Variants in CDC42BPG observed in about 807,000 individuals in gnomAD.
CDC42BPG encodes the protein serine/threonine-protein kinase MRCK gamma.
In CDC42BPG, 157 loss-of-function variants were observed where a neutral mutation model predicts 192.2. The ratio of observed to expected loss-of-function variants is 0.82; its 90% confidence interval spans 0.72 to 0.93. The LOEUF (loss-of-function observed/expected upper bound fraction) is 0.93, where lower values mean the gene tolerates loss of function less well. Among genes scored for constraint, CDC42BPG ranks in the 40% least tolerant of loss-of-function variants. The pLI, the probability that CDC42BPG is intolerant of heterozygous loss-of-function variation, is 0.00. For synonymous variants in CDC42BPG, 981 were observed against 918.5 expected (o/e 1.07, Z -1.23); for missense variants, 1,992 against 2,122.1 (o/e 0.94, Z 1.20).
intron 34 of CDC42BPG, 22 bp from the exon 35 acceptor site, chr11:64,826,816 G>C: frequency 6.8e-7 from 1 of 1,479,722 alleles, no homozygotes; most frequent in Non-Finnish European, 8.9e-7. Context: ...CAGTGCGGAG[G>C]GGCTGGGACT....
Position 64,837,326 on chromosome 11 carries a change from C to T in CDC42BPG, c.1206-307G>A, listed in dbSNP as rs369967323. Among the ~76,000 whole-genome samples, 16 of 152,286 alleles carry T rather than the reference C, an allele frequency of 1.1e-4. No individual in the cohort carries two copies. The South Asian group carries it at 1.5e-3, about 14-fold the overall frequency. ...TGACAAGGCCTCTCCCCAGGGCTGT[C>T]GAGGACAGGATGTGGTGACAGTGGC... On this transcript the variant is annotated intron_variant, in intron 9 of 36. Transcript: ENST00000342711.
In CDC42BPG at chr11:64,827,051, G is replaced by T. The variant is rs775608141; in HGVS notation, c.4388C>A (p.Pro1463Gln). The change falls in exon 34 of 37, where the codon CCG (proline) becomes CAG (glutamine). Residue 1463 changes from proline (P) to glutamine (Q), a missense_variant and splice_region_variant. Pro to Gln is a moderately conservative substitution (Grantham distance 76). Transcript: ENST00000342711. Reference sequence around the variant, plus strand: ...TGTGATTGGCTCCAGAGGACTAACCGGGGACTTGTCCCTGGCGCCGGGCCG... The same window carrying T: ...TGTGATTGGCTCCAGAGGACTAACCTGGGACTTGTCCCTGGCGCCGGGCCG... ...NGRPGARDKS[P>Q]APEEKGRVAR... 1.3e-6 allele frequency: 2 copies of T among 1,596,624 alleles called. No individual in the cohort carries two copies. Among genetic ancestry groups the T allele is most frequent in the Non-Finnish European group, 1.7e-6 (2 of 1,165,438 alleles).
In CDC42BPG at chr11:64,824,112, C is replaced by T. The variant is rs1288199130; in HGVS notation, c.*361G>A. The T allele has an allele frequency of 2.9e-6, 1 of 339,848 alleles. No individual in the cohort carries two copies. The highest frequency in any genetic ancestry group is 4.4e-5 in the Admixed American group (1 of 22,784). The allele number at this position is 339,848 out of a possible 1,614,324, so 21.1% of individuals were successfully genotyped here. On this transcript the variant is annotated 3_prime_UTR_variant, in exon 37 of 37. Transcript: ENST00000342711. ...CCACAGATAAGACCTCCAACCTGTT[C>T]CCAGAGACCCAGTCCCTCTCCATCC...
In CDC42BPG at chr11:64,830,225, C is replaced by A; in HGVS notation, c.3336G>T (p.Glu1112Asp). 6.2e-7 allele frequency: 1 copy of A among 1,612,888 alleles called. No homozygotes were observed. Residue 1112 changes from glutamate to aspartate, a missense_variant, in exon 29 of 37, where the codon GAG becomes GAT. By Grantham distance (45) the Glu-to-Asp change is conservative. This residue lies in a region of CDC42BPG where 1,656 missense variants were observed against 1,844.3 expected (regional missense o/e 0.90). Transcript: ENST00000342711. ...DQDRLALGTE[E>D]GLFVIHLRSN... ...TGCGCAGATGGATGACAAAGAGCCCCTCCTCGGTGCCAAGCGCAAGTCGAT... is the reference window on the plus strand; with the variant it reads ...TGCGCAGATGGATGACAAAGAGCCCATCCTCGGTGCCAAGCGCAAGTCGAT...
In CDC42BPG at chr11:64,834,974, AG is replaced by A. The variant is rs1342279769; in HGVS notation, c.2061-12del. On this transcript the variant is annotated splice_polypyrimidine_tract_variant and intron_variant, in intron 17 of 36. Transcript: ENST00000342711. ...TTCTCATCATTCACCCTGAATGGGA[AG>A]GGGCTCAGGGTCATGGGCTGGGCCC... 6.2e-7 allele frequency: 1 copy of A among 1,613,740 alleles called. No homozygotes were observed. The highest frequency in any genetic ancestry group is 8.5e-7 in the Non-Finnish European group (1 of 1,179,894).
Position 64,836,245 on chromosome 11 carries a change from TGC to T in CDC42BPG, c.1538_1539del (p.Cys513Ter). The T allele has an allele frequency of 1.2e-6, 2 of 1,601,618 alleles. No homozygotes were observed. Among genetic ancestry groups the T allele is most frequent in the Non-Finnish European group, 1.7e-6 (2 of 1,176,264 alleles). On this transcript the variant is annotated frameshift_variant, in exon 13 of 37. Transcript: ENST00000342711. LOFTEE classifies it high-confidence loss of function. ...AGLQAQEQEL[C>X]RAQGQQEELL... ...AGCTCCTCCTGCTGCCCCTGGGCCC[TGC>T]AGAGCTCCTGCTCCTGAGCCTGCAG...
Position 64,829,657 on chromosome 11 carries a change from C to T in CDC42BPG, c.3781G>A (p.Gly1261Arg). 1 of 1,611,680 alleles carries T rather than the reference C, an allele frequency of 6.2e-7. No individual in the cohort carries two copies. The highest frequency in any genetic ancestry group is 8.5e-7 in the Non-Finnish European group (1 of 1,179,420). ...AGCTCCTCAGGCACCAAACCGGCCCCCAGCGCCAACGGCGCAGCCTCGTTG... is the reference window on the plus strand; with the variant it reads ...AGCTCCTCAGGCACCAAACCGGCCCTCAGCGCCAACGGCGCAGCCTCGTTG... ...LLNEAAPLALGAGLVPEELPP... is the reference protein window; with the variant it reads ...LLNEAAPLALRAGLVPEELPP... The change falls in exon 30 of 37, where the codon GGG (glycine) becomes AGG (arginine). Residue 1261 changes from glycine to arginine, a missense_variant. Coordinates refer to ENST00000342711, the MANE Select transcript of CDC42BPG (RefSeq NM_017525.3).
At position 64,829,984 on chromosome 11, in the gene CDC42BPG, C is replaced by A; in HGVS notation, c.3454G>T (p.Gly1152Cys). 6.2e-7 allele frequency: 1 copy of A among 1,612,820 alleles called. No individual in the cohort carries two copies. The stretch of plus-strand genomic sequence containing the variant: ...AGGGCAAAGAGACGCACGCTGGGGC[C>A]GCGGCCACACAGCACGACCAGCAGG... ...AGLLVVLCGR[G>C]PSVRLFALAE... Residue 1152 changes from glycine (G) to cysteine (C), a missense_variant, in exon 30 of 37, where the codon GGC becomes TGC. Around this residue, in one of 2 missense-constraint regions of CDC42BPG, gnomAD observed 1,656 missense variants for 1,844.3 expected, o/e 0.90. Coordinates refer to ENST00000342711, the MANE Select transcript of CDC42BPG (RefSeq NM_017525.3).
At chr11:64,843,514 C>T (rs1943372184) in intron 1 of CDC42BPG, among the ~76,000 whole-genome samples, 1 of 152,134 alleles carries the variant, frequency 6.6e-6, no homozygotes, top group East Asian at 1.9e-4. Flanking sequence ...AGGCCTTGTG[C>T]CTTCCCAGAG....
chr11:64,836,087 G>C (rs1271633881), intron 13 of CDC42BPG, 30 bp downstream of exon 13: 1 of 1,569,582 alleles, frequency 6.4e-7, no homozygotes, highest in Admixed American at 1.8e-5. Context: ...CAGGGCCCAG[G>C]TGCTGTCCCT....
chr11:64,831,007 C>T (rs1462120035), intron 28 of CDC42BPG, among the ~76,000 whole-genome samples: 3 of 152,178 alleles, frequency 2.0e-5, no homozygotes, highest in Non-Finnish European at 2.9e-5. Context: ...CACCTGAGGT[C>T]AGGAGTTCGA....
rs1942831692 is a variant in CDC42BPG, at chr11:64,833,801, C to T, written c.2502G>A (p.Glu834=). 6.2e-7 allele frequency: 1 copy of T among 1,614,144 alleles called. No homozygotes were observed. Among genetic ancestry groups the T allele is most frequent in the African/African-American group, 1.3e-5 (1 of 74,962 alleles). The part of the protein sequence containing the change: ...DSAKDPGISG[E]ATRHGGEPDL... The stretch of plus-strand genomic sequence containing the variant: ...CTGGCTCTCCTCCATGCCTTGTGGC[C>T]TCTCCTGAGATGCCAGGGTCCTTGG... The change falls in exon 22 of 37, where the codon GAG becomes GAA. Residue 834 remains glutamate (E), a synonymous_variant. Transcript: ENST00000342711.
rs772569580 is a variant in CDC42BPG, at chr11:64,829,757, A to G, written c.3681T>C (p.Thr1227=). The change falls in exon 30 of 37, where the codon ACT becomes ACC. Residue 1227 remains threonine, a synonymous_variant. Transcript: ENST00000342711. The part of the protein sequence containing the change: ...RRIRELQAPA[T]VQSLGLLGDR... ...CGCCCAGCAGCCCCAGGCTCTGCAC[A>G]GTGGCAGGTGCCTGCAGCTCACGGA... is the stretch of plus-strand genomic sequence containing the variant. 85 of 1,602,242 alleles carry G rather than the reference A, an allele frequency of 5.3e-5. No homozygotes were observed. The highest frequency in any genetic ancestry group is 7.0e-5 in the Non-Finnish European group (82 of 1,175,812).
rs1457443081 is a variant in CDC42BPG at position 64,838,798 on chromosome 11, C to T, written c.981G>A (p.Gly327=). Reference sequence around the variant, plus strand: ...AAGGATGGTTCCGGAAGTCATCCAGCCCACCACGGCCTAGCCGCTCTTCCT... The same window carrying T: ...AAGGATGGTTCCGGAAGTCATCCAGTCCACCACGGCCTAGCCGCTCTTCCT... ...CRQEERLGRG[G]LDDFRNHPFF... The change falls in exon 8 of 37, where the codon GGG becomes GGA. Residue 327 remains glycine, a synonymous_variant. Coordinates refer to ENST00000342711, the MANE Select transcript of CDC42BPG (RefSeq NM_017525.3). 2.5e-6 allele frequency: 4 copies of T among 1,612,866 alleles called. No homozygotes were observed. Among genetic ancestry groups the T allele is most frequent in the East Asian group, 2.2e-5 (1 of 44,882 alleles).
intron 36 of CDC42BPG, among the ~76,000 whole-genome samples, chr11:64,826,265 G>C (rs115546241): frequency 0.013 from 1,971 of 152,258 alleles, 40 homozygotes; most frequent in African/African-American, 0.044. Flanking sequence ...TCAGAGCCAA[G>C]ATTCCCACCT....
rs764596813 is a variant in CDC42BPG, at chr11:64,836,728, G to A, written c.1384+11C>T. On this transcript the variant is annotated intron_variant, in intron 11 of 36. Coordinates refer to ENST00000342711, the MANE Select transcript of CDC42BPG (RefSeq NM_017525.3). The stretch of plus-strand genomic sequence containing the variant: ...CCCTGGGGGGGGGGGGGGGGTGGGC[G>A]GAAGGGATACCTGGCAGCCTGTCCC... 27 of 1,290,356 alleles carry A rather than the reference G, an allele frequency of 2.1e-5. 1 individual carries two copies. Among genetic ancestry groups the A allele is most frequent in the South Asian group, 1.2e-4 (8 of 69,208 alleles). 79.9% of individuals were successfully genotyped at this position (1,290,356 alleles called of 1,614,324 possible).
chr11:64,829,523 G>A lies in CDC42BPG; in HGVS notation c.3915C>T (p.Gly1305=). Residue 1305 remains glycine (G), a synonymous_variant, in exon 30 of 37, where the codon GGC becomes GGT. Coordinates refer to ENST00000342711, the MANE Select transcript of CDC42BPG (RefSeq NM_017525.3). ...TTAGIYVDGA[G]RKSRGHELLW... Reference sequence around the variant, plus strand: ...ACAGCTCGTGGCCACGAGACTTGCGGCCTGCGCCATCCACGTAGATGCCAG... The same window carrying A: ...ACAGCTCGTGGCCACGAGACTTGCGACCTGCGCCATCCACGTAGATGCCAG... 6.2e-7 allele frequency: 1 copy of A among 1,612,948 alleles called. No homozygotes were observed. Among genetic ancestry groups the A allele is most frequent in the Non-Finnish European group, 8.5e-7 (1 of 1,179,946 alleles).
Position 64,823,188 on chromosome 11 carries a change from G to T in CDC42BPG, c.*1285C>A, listed in dbSNP as rs546181428. On this transcript the variant is annotated 3_prime_UTR_variant, in exon 37 of 37. Transcript: ENST00000342711. ...TGCAAGCTCCGCCTCCCGGGTTCACGCCATTCTCCTGCCTCAGCCTCCCGA... is the reference window on the plus strand; with the variant it reads ...TGCAAGCTCCGCCTCCCGGGTTCACTCCATTCTCCTGCCTCAGCCTCCCGA... Among the ~76,000 whole-genome samples, 1 of 150,846 alleles carries T rather than the reference G, an allele frequency of 6.6e-6. No individual in the cohort carries two copies. The highest frequency in any genetic ancestry group is 2.4e-5 in the African/African-American group (1 of 41,052).
Position 64,833,607 on chromosome 11 carries a change from G to C in CDC42BPG, c.2618C>G (p.Pro873Arg). The C allele has an allele frequency of 6.2e-7, 1 of 1,610,230 alleles. No homozygotes were observed. The highest frequency in any genetic ancestry group is 8.5e-7 in the Non-Finnish European group (1 of 1,178,676). The change falls in exon 23 of 37, where the codon CCT becomes CGT. Residue 873 changes from proline (P) to arginine (R), a missense_variant. Pro to Arg is a moderately radical substitution (Grantham distance 103, BLOSUM62 -2). Transcript: ENST00000342711. ...TANTASTEGL[P>R]AKPGSHTLRP... The stretch of plus-strand genomic sequence containing the variant: ...GCCCCTCTGGGCACTGACCTTAGCA[G>C]GAAGACCTTCTGTAGAGGCTGTGTT...
Sources: allele counts gnomAD v4.1 joint callset (sites outside exome capture counted in the v4.1 genomes callset), GRCh38; gene constraint gnomAD v4.1.1; regional missense constraint gnomAD v4.1.1; transcripts MANE v1.5; gene names NCBI Gene and HGNC (gene_info 2026-07-23, HGNC 2026-07-21).